The following FOXP1 variants were observed in gnomAD, a reference collection of about 807,000 sequenced individuals.
FOXP1 encodes forkhead box protein P1.
A neutral mutation model predicts 98.2 loss-of-function variants in FOXP1; 15 were observed. That is an observed-to-expected ratio of 0.15 (90% CI 0.10 to 0.24). The LOEUF (loss-of-function observed/expected upper bound fraction) is 0.24, where lower values mean the gene tolerates loss of function less well. Among genes scored for constraint, FOXP1 ranks in the 10% least tolerant of loss-of-function variants. The pLI, the probability that FOXP1 is intolerant of heterozygous loss-of-function variation, is 1.00. For synonymous variants in FOXP1, 371 were observed against 314.5 expected (o/e 1.18, Z -1.90); for missense variants, 633 against 848.5 (o/e 0.75, Z 3.15).
At chr3:71,479,449 C>A (rs1162747930) in intron 3 of FOXP1, among the ~76,000 whole-genome samples, 1 of 151,758 alleles carries the variant, frequency 6.6e-6, no homozygotes, top group East Asian at 1.9e-4. Context: ...ACTATTGGGG[C>A]AGGTGGATCA....
chr3:71,014,768 T>G (rs1428207654), intron 12 of FOXP1, among the ~76,000 whole-genome samples: 1 of 152,118 alleles, frequency 6.6e-6, no homozygotes, highest in Non-Finnish European at 1.5e-5. Flanking sequence ...TAGACTGGAT[T>G]ACGAAAATGT....
chr3:71,512,375 G>A (rs983258709), intron 2 of FOXP1, among the ~76,000 whole-genome samples: 1 of 152,140 alleles, frequency 6.6e-6, no homozygotes, highest in Non-Finnish European at 1.5e-5. Flanking sequence ...TAAAAAGCCA[G>A]AGCCATATCC....
chr3:71,003,798 GATGTTTGA>G (rs1277107144), intron 12 of FOXP1, among the ~76,000 whole-genome samples: 3 of 152,084 alleles, frequency 2.0e-5, no homozygotes, highest in African/African-American at 7.2e-5. Flanking sequence ...ATCCTAGCAG[GATGTTTGA>G]ACTGATTTCA....
rs2108479862 is a variant in FOXP1 at position 71,446,186 on chromosome 3, C to T, written c.-168+47240G>A. 1.3e-5 allele frequency among the ~76,000 whole-genome samples: 2 copies of T among 152,204 alleles called. 1 individual carries two copies. Among genetic ancestry groups the T allele is most frequent in the South Asian group, 4.1e-4 (2 of 4,826 alleles). ...GCCTCATGGAGAAATGGGTGCTCTGCCATCTTGCTAAGACTGGCTTCCATA... is the reference window on the plus strand; with the variant it reads ...GCCTCATGGAGAAATGGGTGCTCTGTCATCTTGCTAAGACTGGCTTCCATA... On this transcript the variant is annotated intron_variant, in intron 3 of 20. Coordinates refer to ENST00000649528, the MANE Select transcript of FOXP1 (RefSeq NM_001349338.3).
intron 11 of FOXP1, among the ~76,000 whole-genome samples, chr3:71,022,241 C>T (rs982732157): frequency 2.6e-5 from 4 of 151,914 alleles, no homozygotes; most frequent in African/African-American, 9.7e-5. Flanking sequence ...AGTATCAAAC[C>T]ATTACTTTTG....
intron 3 of FOXP1, among the ~76,000 whole-genome samples, chr3:71,387,399 C>T (rs1270751493): frequency 5.3e-5 from 8 of 152,154 alleles, no homozygotes; most frequent in Admixed American, 5.2e-4. Flanking sequence ...TCTTGATTAA[C>T]TCAATATTGT....
chr3:71,568,211 ATGT>A (rs1487867914), intron 2 of FOXP1, among the ~76,000 whole-genome samples: 1 of 152,194 alleles, frequency 6.6e-6, no homozygotes, highest in Admixed American at 6.5e-5. Context: ...AATGGCTAAG[ATGT>A]TGTACTCAAT....
intron 5 of FOXP1, among the ~76,000 whole-genome samples, chr3:71,262,964 C>A (rs2069300636): frequency 6.6e-6 from 1 of 152,108 alleles, no homozygotes; most frequent in Non-Finnish European, 1.5e-5. Flanking sequence ...AAACGGCTAG[C>A]CCTTTGAAAG....
intron 3 of FOXP1, among the ~76,000 whole-genome samples, chr3:71,367,902 G>A (rs1354695863): frequency 6.6e-6 from 1 of 152,006 alleles, no homozygotes; most frequent in Non-Finnish European, 1.5e-5. Context: ...TCAACTCCAG[G>A]AGCAGAAGAA....
chr3:71,497,248 G>T (rs2091485185), intron 2 of FOXP1, among the ~76,000 whole-genome samples: 1 of 152,002 alleles, frequency 6.6e-6, no homozygotes, highest in Non-Finnish European at 1.5e-5. Context: ...TAAAGCTGAG[G>T]GTGAAATAGA....
At chr3:71,230,508 T>C (rs1478051008) in intron 5 of FOXP1, among the ~76,000 whole-genome samples, 1 of 152,166 alleles carries the variant, frequency 6.6e-6, no homozygotes, top group African/African-American at 2.4e-5. Flanking sequence ...CCTTTACCTA[T>C]GACAGTAAAC....
intron 4 of FOXP1, among the ~76,000 whole-genome samples, chr3:71,312,964 C>T (rs1185981559): frequency 6.6e-6 from 1 of 151,916 alleles, no homozygotes; most frequent in Non-Finnish European, 1.5e-5. Context: ...GCACTCCAGC[C>T]TGGGTGACAG....
intron 6 of FOXP1, among the ~76,000 whole-genome samples, chr3:71,153,935 C>T (rs1428338784): frequency 2.0e-5 from 3 of 152,068 alleles, no homozygotes; most frequent in Admixed American, 6.5e-5. Context: ...ACATATGACA[C>T]GTAGCATACT....
intron 3 of FOXP1, among the ~76,000 whole-genome samples, chr3:71,436,197 T>C (rs892044964): frequency 2.0e-5 from 3 of 151,928 alleles, no homozygotes; most frequent in African/African-American, 7.3e-5. Flanking sequence ...AGGCATTGTC[T>C]CCCCGCAACA....
chr3:71,214,394 C>T (rs1364728201), intron 5 of FOXP1, among the ~76,000 whole-genome samples: 1 of 152,166 alleles, frequency 6.6e-6, no homozygotes, highest in Non-Finnish European at 1.5e-5. Context: ...GGGGCCACTT[C>T]TCTTTGCCTG....
Position 71,115,317 on chromosome 3 carries a change from T to TTTA in FOXP1, c.181-2681_181-2680insTAA, listed in dbSNP as rs1553745322. On this transcript the variant is annotated intron_variant, in intron 6 of 20. Transcript: ENST00000649528. ...CACTCAATTATTATTATTATTATTA[T>TTTA]TTTATTTATTTATTTATTTATTTAT... 3.1e-4 allele frequency among the ~76,000 whole-genome samples: 44 copies of TTTA among 144,138 alleles called. 1 individual carries two copies. Among genetic ancestry groups the TTTA allele is most frequent in the African/African-American group, 7.4e-4 (29 of 39,212 alleles). 94.6% of individuals were successfully genotyped at this position (144,138 alleles called of 152,430 possible).
chr3:71,540,147 A>G (rs2044674663), intron 2 of FOXP1, among the ~76,000 whole-genome samples: 2 of 152,270 alleles, frequency 1.3e-5, no homozygotes, highest in African/African-American at 4.8e-5. Flanking sequence ...AAATATTCTC[A>G]AGCATGACAC....
intron 5 of FOXP1, chr3:71,288,326 T>C (rs2072389697): frequency 6.6e-6 from 1 of 152,228 alleles, no homozygotes. Flanking sequence ...ATTTCCTGGA[T>C]GCTTGAGGAT....
At chr3:71,403,431 G>A (rs1162790995) in intron 3 of FOXP1, among the ~76,000 whole-genome samples, 2 of 152,266 alleles carry the variant, frequency 1.3e-5, no homozygotes, top group Non-Finnish European at 2.9e-5. Flanking sequence ...CAAGGGAACT[G>A]TTTCAAGATT....
Sources: allele counts gnomAD v4.1 joint callset (sites outside exome capture counted in the v4.1 genomes callset), GRCh38; gene constraint gnomAD v4.1.1; transcripts MANE v1.5; gene names NCBI Gene and HGNC (gene_info 2026-07-23, HGNC 2026-07-21).